FAT1: variants seen among roughly 807,000 people sequenced by gnomAD.
The protein encoded by FAT1 is FAT atypical cadherin 1.
A neutral mutation model predicts 329.8 loss-of-function variants in FAT1; 171 were observed. That is an observed-to-expected ratio of 0.52 (90% CI 0.46 to 0.59). The LOEUF (loss-of-function observed/expected upper bound fraction) is 0.59, where lower values mean the gene tolerates loss of function less well. Among genes scored for constraint, FAT1 ranks in the 20% least tolerant of loss-of-function variants. FAT1 has a pLI of 0.00. For synonymous variants in FAT1, 2,233 were observed against 2,228.6 expected, an observed-to-expected ratio of 1.00 and a Z score of -0.06; for missense variants, 5,672 against 5,774.4, an observed-to-expected ratio of 0.98 and a Z score of 0.57.
chr4:186,689,252 G>A (rs77306546), intron 2 of FAT1, among the ~76,000 whole-genome samples: 1,883 of 152,196 alleles, frequency 0.012, 42 homozygotes, highest in African/African-American at 0.043. Context: ...TATCTTGTAC[G>A]TCAAATCAAA....
intron 2 of FAT1, among the ~76,000 whole-genome samples, chr4:186,686,271 C>T (rs1489435610): frequency 2.2e-5 from 3 of 136,104 alleles, no homozygotes; most frequent in Non-Finnish European, 4.7e-5. Context: ...AAACATGTAG[C>T]GATTTTTTTC....
rs1187723725 is a variant in FAT1, at chr4:186,625,457, T to C, written c.4810+2697A>G. Among the ~76,000 whole-genome samples the C allele has an allele frequency of 2.6e-5, 4 of 152,236 alleles. No homozygotes were observed. The East Asian group carries it at 7.7e-4, about 29-fold the overall frequency. On this transcript the variant is annotated intron_variant, in intron 9 of 26. Coordinates refer to ENST00000441802, the MANE Select transcript of FAT1 (RefSeq NM_005245.4). ...GTTAAATAAACATAGTTTAACCACC[T>C]AGAACACATCAGTAAGTTTTTTAAA...
upstream of FAT1, among the ~76,000 whole-genome samples, chr4:186,725,430 C>T (rs1266935326): frequency 6.6e-6 from 1 of 151,762 alleles, no homozygotes; most frequent in African/African-American, 2.4e-5. This position sits in a 1 kb window ranked among gnomAD's most constrained non-coding sequence, Gnocchi z 5.4. Flanking sequence ...CAAGAGAATT[C>T]CTGGAGAAGA....
At position 186,620,872 on chromosome 4, in the gene FAT1, T is replaced by A. The variant is rs1740008382; in HGVS notation, c.5714A>T (p.Asp1905Val). 2 of 1,614,046 alleles carry A rather than the reference T, an allele frequency of 1.2e-6. No homozygotes were observed. Among genetic ancestry groups the A allele is most frequent in the East Asian group, 4.5e-5 (2 of 44,878 alleles). The change falls in exon 10 of 27, where the codon GAT becomes GTT. Residue 1905 changes from aspartate to valine, a missense_variant. By Grantham distance (152) the Asp-to-Val change is radical. Coordinates refer to ENST00000441802, the MANE Select transcript of FAT1 (RefSeq NM_005245.4). ...GVKVITVNAT[D>V]ADSSAFSQLI... ...CTGTGAGAATGCACTTGAATCAGCA[T>A]CTGTAGCATTTACTGTGATGACTTT... is the stretch of plus-strand genomic sequence containing the variant.
chr4:186,645,963 ATAT>A (rs150579437), intron 3 of FAT1, among the ~76,000 whole-genome samples: 959 of 62,376 alleles, frequency 0.015, 46 homozygotes, highest in Non-Finnish European at 0.019. Context: ...AAAAAAAAAA[ATAT>A]ATACACACAC....
intron 22 of FAT1, among the ~76,000 whole-genome samples, chr4:186,599,083 GC>G (rs1453869607): frequency 6.6e-6 from 1 of 152,178 alleles, no homozygotes; most frequent in African/African-American, 2.4e-5. Context: ...ACCTCTCTCA[GC>G]CTCATCCCTA....
chr4:186,663,628 G>A lies in FAT1; in HGVS notation c.3266-15C>T, dbSNP rs1742290506. 6.3e-7 allele frequency: 1 copy of A among 1,584,220 alleles called. No individual in the cohort carries two copies. Among genetic ancestry groups the A allele is most frequent in the Non-Finnish European group, 8.6e-7 (1 of 1,169,516 alleles). ...CTCTATGACACCTACAGAGAAAAAA[G>A]AAAAGCGTAAAGCAGCACATCAACG... On this transcript the variant is annotated splice_polypyrimidine_tract_variant and intron_variant, in intron 2 of 26. Coordinates refer to ENST00000441802, the MANE Select transcript of FAT1 (RefSeq NM_005245.4).
At chr4:186,662,865 C>T (rs1742245355) in intron 3 of FAT1, among the ~76,000 whole-genome samples, 1 of 151,288 alleles carries the variant, frequency 6.6e-6, no homozygotes, top group Non-Finnish European at 1.5e-5. Flanking sequence ...GAGATGGAGT[C>T]TCACTCTGTC....
In FAT1 at chr4:186,617,064, T is replaced by C; in HGVS notation, c.9016A>G (p.Lys3006Glu). 1 of 1,614,048 alleles carries C rather than the reference T, an allele frequency of 6.2e-7. No individual in the cohort carries two copies. The highest frequency in any genetic ancestry group is 8.5e-7 in the Non-Finnish European group (1 of 1,179,894). ...AGAACTTTCACTTCAACTATCGCTT[T>C]TGATGAGAAGGTGCCATCAGTTGCC... is the stretch of plus-strand genomic sequence containing the variant. The part of the protein sequence containing the change: ...ITATDGTFSS[K>E]AIVEVKVLDA... Residue 3006 changes from lysine to glutamate, a missense_variant, in exon 11 of 27, where the codon AAA (lysine) becomes GAA (glutamate). This residue lies in a region of FAT1 where 3,966 missense variants were observed against 3,915.2 expected (regional missense o/e 1.01). Coordinates refer to ENST00000441802, the MANE Select transcript of FAT1 (RefSeq NM_005245.4).
chr4:186,636,050 G>C lies in FAT1; in HGVS notation c.4158C>G (p.Gly1386=), dbSNP rs778151954. The C allele has an allele frequency of 3.1e-6, 5 of 1,613,856 alleles. No individual in the cohort carries two copies. In the African/African-American group the frequency reaches 6.7e-5, roughly 22 times the overall value. ...CAGTGATGTCAAACCAAAGGGGTATGCCAGGAGGCTCCACAGATATTACTC... is the reference window on the plus strand; with the variant it reads ...CAGTGATGTCAAACCAAAGGGGTATCCCAGGAGGCTCCACAGATATTACTC... ...MIGVISVEPP[G]IPLWFDITGG... is the part of the protein sequence containing the mutation. The change falls in exon 6 of 27, where the codon GGC becomes GGG. Residue 1386 remains glycine, a synonymous_variant. Transcript: ENST00000441802.
At chr4:186,709,925 T>TA in intron 1 of FAT1, 80 bp from the exon 2 acceptor site, 2 of 1,292,262 alleles carry the variant, frequency 1.5e-6, no homozygotes, top group Admixed American at 2.8e-5. Flanking sequence ...AACTTCTCAT[T>TA]AAAAAAATAT....
At position 186,589,047 on chromosome 4, in the gene FAT1, G is replaced by A. The variant is rs1352392821; in HGVS notation, c.13312C>T (p.Pro4438Ser). 3.1e-6 allele frequency: 5 copies of A among 1,613,830 alleles called. No homozygotes were observed. In the African/African-American group the frequency reaches 5.3e-5, roughly 17 times the overall value. ...GYDIESDFPP[P>S]PEDFPAADEL... Reference sequence around the variant, plus strand: ...TCAGCTGCGGGGAAGTCTTCTGGGGGTGGAGGAAAATCACTTTCGATGTCG... The same window carrying A: ...TCAGCTGCGGGGAAGTCTTCTGGGGATGGAGGAAAATCACTTTCGATGTCG... Residue 4438 changes from proline to serine, a missense_variant, in exon 27 of 27, where the codon CCC becomes TCC. This residue lies in a region of FAT1 where 1,706 missense variants were observed against 1,859.1 expected (regional missense o/e 0.92). Coordinates refer to ENST00000441802, the MANE Select transcript of FAT1 (RefSeq NM_005245.4).
At position 186,589,034 on chromosome 4, in the gene FAT1, A is replaced by C; in HGVS notation, c.13325T>G (p.Phe4442Cys). The C allele has an allele frequency of 6.2e-7, 1 of 1,613,634 alleles. No homozygotes were observed. The highest frequency in any genetic ancestry group is 8.5e-7 in the Non-Finnish European group (1 of 1,179,826). Residue 4442 changes from phenylalanine to cysteine, a missense_variant, in exon 27 of 27, where the codon TTC (phenylalanine) becomes TGC (cysteine). Transcript: ENST00000441802. ...CGGTGGTAGCTCATCAGCTGCGGGG[A>C]AGTCTTCTGGGGGTGGAGGAAAATC... ...ESDFPPPPEDFPAADELPPLP... is the reference protein window; with the variant it reads ...ESDFPPPPEDCPAADELPPLP...
At chr4:186,688,318 C>T (rs1743576362) in intron 2 of FAT1, among the ~76,000 whole-genome samples, 1 of 152,014 alleles carries the variant, frequency 6.6e-6, no homozygotes, top group Non-Finnish European at 1.5e-5. Flanking sequence ...AAGGAATCTT[C>T]ACTCTCCAGT....
At chr4:186,627,283 A>C (rs1219132292) in intron 9 of FAT1, among the ~76,000 whole-genome samples, 1 of 150,832 alleles carries the variant, frequency 6.6e-6, no homozygotes, top group Admixed American at 6.6e-5. Context: ...GGCACCTGGC[A>C]CATAAAGCGA....
At chr4:186,590,332 G>A (rs1738177153) in intron 26 of FAT1, 1 of 1,266,692 alleles carries the variant, frequency 7.9e-7, no homozygotes. Context: ...ATTGTTTTTA[G>A]TGAGTATCAA....
intron 3 of FAT1, among the ~76,000 whole-genome samples, chr4:186,654,216 C>T (rs1477972785): frequency 6.6e-6 from 1 of 152,168 alleles, no homozygotes; most frequent in African/African-American, 2.4e-5. Context: ...AGGAGCACAG[C>T]AGGCTATTGG....
chr4:186,722,728 C>T (rs1464459076), intron 1 of FAT1, among the ~76,000 whole-genome samples: 2 of 152,222 alleles, frequency 1.3e-5, no homozygotes, highest in Middle Eastern at 3.4e-3. Context: ...ATATACGAAG[C>T]ATTAAGAATC....
chr4:186,657,612 A>G (rs987391312), intron 3 of FAT1, among the ~76,000 whole-genome samples: 1 of 152,170 alleles, frequency 6.6e-6, no homozygotes, highest in Non-Finnish European at 1.5e-5. Context: ...ATCAAATTGT[A>G]GACTTTAAAT....
Sources: gnomAD v4.1 joint callset for allele counts (sites outside exome capture counted in the v4.1 genomes callset) on GRCh38, gnomAD v4.1.1 for gene constraint, gnomAD v4.1.1 regional missense constraint, Gnocchi (gnomAD v3.1) non-coding constraint, MANE v1.5 for transcripts, NCBI Gene and HGNC (gene_info 2026-07-23, HGNC 2026-07-21) for gene names.